NAALADL2: variants seen among roughly 807,000 people sequenced by gnomAD.
The protein encoded by NAALADL2 is N-acetylated alpha-linked acidic dipeptidase like 2.
A neutral mutation model predicts 87.2 loss-of-function variants in NAALADL2; 76 were observed. That is an observed-to-expected ratio of 0.87 (90% CI 0.72 to 1.05). The LOEUF (loss-of-function observed/expected upper bound fraction) is 1.05. Ranked by LOEUF, NAALADL2 falls within the 50% of genes least tolerant of loss-of-function variation. NAALADL2 has a pLI of 0.00. For missense variants in NAALADL2, 1,089 were observed against 945.8 expected, an observed-to-expected ratio of 1.15 and a Z score of -1.99; for synonymous variants, 354 against 331.0, an observed-to-expected ratio of 1.07 and a Z score of -0.75.
At chr3:175,112,181 C>A (rs911919856) in intron 2 of NAALADL2, among the ~76,000 whole-genome samples, 1 of 151,280 alleles carries the variant, frequency 6.6e-6, no homozygotes, top group Admixed American at 6.6e-5. Flanking sequence ...CCTCATTGAC[C>A]ACCATCCTTA....
chr3:175,620,586 T>C (rs1582656402), intron 10 of NAALADL2, among the ~76,000 whole-genome samples: 1 of 151,896 alleles, frequency 6.6e-6, no homozygotes, highest in South Asian at 2.1e-4. Context: ...CAGAAAGGAG[T>C]AACACTCAGT....
chr3:174,668,000 T>A (rs1726137343), intron 2 of NAALADL2, among the ~76,000 whole-genome samples: 1 of 152,072 alleles, frequency 6.6e-6, no homozygotes, highest in Non-Finnish European at 1.5e-5. Context: ...TGCACCAGGG[T>A]TTCATTCTCT....
intron 1 of NAALADL2, among the ~76,000 whole-genome samples, chr3:174,470,117 C>T (rs951495506): frequency 4.6e-5 from 7 of 152,120 alleles, no homozygotes; most frequent in Admixed American, 4.6e-4. Context: ...GAATTTCCAC[C>T]AACAGTGTAT....
At chr3:175,799,079 G>A (rs552275273) in intron 13 of NAALADL2, among the ~76,000 whole-genome samples, 2 of 152,056 alleles carry the variant, frequency 1.3e-5, no homozygotes, top group East Asian at 3.9e-4. Flanking sequence ...TTGTTTGTCA[G>A]CATACTAAAC....
At chr3:174,925,373 A>G (rs1211231706) in intron 1 of NAALADL2, among the ~76,000 whole-genome samples, 1 of 152,072 alleles carries the variant, frequency 6.6e-6, no homozygotes, top group African/African-American at 2.4e-5. Context: ...CAAAGATCAG[A>G]TGGTTGTAGA....
At chr3:175,459,256 A>G (rs1008793154) in intron 6 of NAALADL2, among the ~76,000 whole-genome samples, 1 of 152,164 alleles carries the variant, frequency 6.6e-6, no homozygotes, top group Non-Finnish European at 1.5e-5. Flanking sequence ...ATCAGAAAAC[A>G]TTTTAAAAAA....
intron 1 of NAALADL2, among the ~76,000 whole-genome samples, chr3:174,476,863 A>G (rs753177691): frequency 1.3e-5 from 2 of 152,088 alleles, no homozygotes; most frequent in Non-Finnish European, 2.9e-5. Context: ...GCAACAAATC[A>G]AAGTATTTTA....
chr3:175,082,804 T>C (rs1718144004), intron 1 of NAALADL2, among the ~76,000 whole-genome samples: 1 of 152,216 alleles, frequency 6.6e-6, no homozygotes, highest in Non-Finnish European at 1.5e-5. Flanking sequence ...ATAGGCTTGG[T>C]AAATATGTAG....
chr3:174,737,558 A>G (rs1446138069), intron 2 of NAALADL2: 1 of 152,214 alleles, frequency 6.6e-6, no homozygotes, highest in African/African-American at 2.4e-5. Context: ...AGAAGCATTA[A>G]TCAAAGAACA....
chr3:175,666,466 C>T (rs1733008380), intron 11 of NAALADL2, among the ~76,000 whole-genome samples: 1 of 152,130 alleles, frequency 6.6e-6, no homozygotes, highest in Admixed American at 6.5e-5. Context: ...TCCAAAAGAA[C>T]TGTTCCACTA....
chr3:175,763,216 A>C (rs1364335937), intron 13 of NAALADL2, among the ~76,000 whole-genome samples: 1 of 152,144 alleles, frequency 6.6e-6, no homozygotes, highest in Non-Finnish European at 1.5e-5. Context: ...CACTTTCTTT[A>C]GGTGTTTGGG....
intron 1 of NAALADL2, among the ~76,000 whole-genome samples, chr3:175,007,904 A>G (rs754789502): frequency 6.6e-6 from 1 of 152,152 alleles, no homozygotes; most frequent in Non-Finnish European, 1.5e-5. Flanking sequence ...CTTGAACTCA[A>G]GCACCGCACC....
At chr3:174,462,339 C>A (rs1716267416) in intron 1 of NAALADL2, among the ~76,000 whole-genome samples, 1 of 152,040 alleles carries the variant, frequency 6.6e-6, no homozygotes, top group South Asian at 2.1e-4. Flanking sequence ...AAATGGAAAT[C>A]AAATCAGAAT....
intron 11 of NAALADL2, among the ~76,000 whole-genome samples, chr3:175,658,595 CAACA>C (rs1484993585): frequency 2.0e-5 from 3 of 152,156 alleles, no homozygotes; most frequent in East Asian, 1.9e-4. Context: ...AAACAAGGAA[CAACA>C]AACAATCAGT....
At chr3:174,521,459 A>G (rs1337404578) in intron 1 of NAALADL2, among the ~76,000 whole-genome samples, 1 of 151,202 alleles carries the variant, frequency 6.6e-6, no homozygotes, top group Non-Finnish European at 1.5e-5. Flanking sequence ...CCAGCTACTC[A>G]GAAGGGTGAG....
At chr3:175,314,988 C>A (rs1464735969) in intron 4 of NAALADL2, among the ~76,000 whole-genome samples, 8 of 151,928 alleles carry the variant, frequency 5.3e-5, no homozygotes, top group African/African-American at 1.7e-4. Context: ...TCTAGTGCCA[C>A]TGCAGTTACC....
intron 2 of NAALADL2, among the ~76,000 whole-genome samples, chr3:174,674,131 G>T (rs1282011334): frequency 2.0e-5 from 3 of 151,894 alleles, no homozygotes; most frequent in Non-Finnish European, 4.4e-5. Context: ...AAGGAGAAGA[G>T]GGAACAGACA....
intron 1 of NAALADL2, among the ~76,000 whole-genome samples, chr3:174,997,493 G>A (rs1747659174): frequency 6.6e-6 from 1 of 152,020 alleles, no homozygotes; most frequent in Non-Finnish European, 1.5e-5. Flanking sequence ...TATTAAAACA[G>A]AAAAAAGAGA....
intron 10 of NAALADL2, among the ~76,000 whole-genome samples, chr3:175,614,369 TA>T (rs1725060601): frequency 2.6e-5 from 4 of 152,230 alleles, no homozygotes; most frequent in Admixed American, 2.6e-4. Flanking sequence ...CAGAATCTCT[TA>T]AACAATCTAG....
Sources: gnomAD v4.1 joint callset for allele counts (sites outside exome capture counted in the v4.1 genomes callset) on GRCh38, gnomAD v4.1.1 for gene constraint, MANE v1.5 for transcripts, NCBI Gene and HGNC (gene_info 2026-07-23, HGNC 2026-07-21) for gene names.